MYEF2: variants seen among roughly 807,000 people sequenced by gnomAD.
MYEF2 encodes myelin gene expression factor 2.
MYEF2 carries 37 observed loss-of-function variants against 75.2 expected under a neutral mutation model. The ratio of observed to expected loss-of-function variants is 0.49; its 90% CI spans 0.38 to 0.65. The LOEUF is 0.65. MYEF2 is among the 30% of genes least tolerant of loss of function. The pLI is 0.00. For synonymous variants in MYEF2, 195 were observed against 241.6 expected, an observed-to-expected ratio of 0.81 and a Z score of 1.79; for missense variants, 634 against 771.4, an observed-to-expected ratio of 0.82 and a Z score of 2.11.
At chr15:48,151,079 T>C (rs1349025593) in intron 14 of MYEF2, 21 bp downstream of exon 14, 1 of 1,551,228 alleles carries the variant, frequency 6.4e-7, no homozygotes, top group Non-Finnish European at 8.8e-7. Context: ...CTGAATAAAT[T>C]CTAGTAAAAT....
At position 48,136,789 on chromosome 15, in the gene MYEF2, G is replaced by A. The variant is rs774586843; in HGVS notation, c.*6119C>T. 2.0e-5 allele frequency: 32 copies of A among 1,613,628 alleles called. No individual in the cohort carries two copies. The highest frequency in any genetic ancestry group is 3.3e-5 in the Admixed American group (2 of 59,926). On this transcript the variant is annotated 3_prime_UTR_variant, in exon 17 of 17. Coordinates refer to ENST00000324324, the MANE Select transcript of MYEF2 (RefSeq NM_016132.5). Reference sequence around the variant, plus strand: ...TATAAAGAAATGCAGTCCTTGCTGCGCCTGTCTTGCCAAAGCTATGGAGAG... The same window carrying A: ...TATAAAGAAATGCAGTCCTTGCTGCACCTGTCTTGCCAAAGCTATGGAGAG...
At chr15:48,151,676 TAA>T in intron 12 of MYEF2, 105 bp from the exon 13 acceptor site, 1 of 1,250,272 alleles carries the variant, frequency 8.0e-7, no homozygotes, top group Non-Finnish European at 1.1e-6. Flanking sequence ...GTCACAAATA[TAA>T]AATAGTCTGT....
chr15:48,157,281 G>C (rs1343499161), intron 9 of MYEF2: 1 of 152,020 alleles, frequency 6.6e-6, no homozygotes, highest in African/African-American at 2.4e-5. Flanking sequence ...CTGAGACACA[G>C]AGGCACTGAG....
intron 9 of MYEF2, 131 bp downstream of exon 9, chr15:48,157,856 AAACTAT>A (rs2039762522): frequency 6.9e-7 from 1 of 1,441,042 alleles, no homozygotes; most frequent in Non-Finnish European, 9.1e-7. Flanking sequence ...CAATAGCGCC[AAACTAT>A]CTTCATAACT....
intron 2 of MYEF2, 117 bp from the exon 3 acceptor site, chr15:48,167,518 A>C: frequency 1.2e-6 from 1 of 849,528 alleles, no homozygotes; most frequent in Non-Finnish European, 1.9e-6. Context: ...TTCACCAACA[A>C]TCAAAACCAG....
At position 48,141,239 on chromosome 15, in the gene MYEF2, C is replaced by A; in HGVS notation, c.*1669G>T. On this transcript the variant is annotated 3_prime_UTR_variant, in exon 17 of 17. Transcript: ENST00000324324. ...GGTAAGAACTAGGTCCCTCAAGCTG[C>A]AATGGTCATTCTACAAGGCTAGAAT... 6.6e-7 allele frequency: 1 copy of A among 1,523,790 alleles called. No individual in the cohort carries two copies. Among genetic ancestry groups the A allele is most frequent in the Non-Finnish European group, 9.1e-7 (1 of 1,098,344 alleles). 94.4% of individuals were successfully genotyped at this position (1,523,790 alleles called of 1,614,324 possible).
intron 10 of MYEF2, 85 bp from the exon 11 acceptor site, chr15:48,152,369 T>C: frequency 1.8e-6 from 2 of 1,122,192 alleles, no homozygotes; most frequent in Non-Finnish European, 2.7e-6. Context: ...GCAAAATAGA[T>C]ACCACTGGTA....
At chr15:48,145,778 A>G (rs559381046) in intron 16 of MYEF2, among the ~76,000 whole-genome samples, 1 of 152,054 alleles carries the variant, frequency 6.6e-6, no homozygotes, top group African/African-American at 2.4e-5. Context: ...AGAAAACATA[A>G]TAAGGATATA....
At chr15:48,146,888 G>T (rs1038386717) in intron 16 of MYEF2, among the ~76,000 whole-genome samples, 1 of 151,894 alleles carries the variant, frequency 6.6e-6, no homozygotes, top group Non-Finnish European at 1.5e-5. Flanking sequence ...GTCAATAGCT[G>T]GACACTTAAT....
chr15:48,137,054 T>C lies in MYEF2; in HGVS notation c.*5854A>G. 1 of 1,386,506 alleles carries C rather than the reference T, an allele frequency of 7.2e-7. No individual in the cohort carries two copies. Among genetic ancestry groups the C allele is most frequent in the Middle Eastern group, 2.1e-4 (1 of 4,678 alleles). 85.9% of individuals were successfully genotyped at this position (1,386,506 alleles called of 1,614,324 possible). A position where few individuals can be genotyped will look rare whatever the true frequency, so the allele number is the denominator to read the frequency against. On this transcript the variant is annotated 3_prime_UTR_variant, in exon 17 of 17. Transcript: ENST00000324324. ...AATTCAGCAAGTATTGTGTGCTTTTTATGTAAAAAAGACTGTGAAGACTCA... is the reference window on the plus strand; with the variant it reads ...AATTCAGCAAGTATTGTGTGCTTTTCATGTAAAAAAGACTGTGAAGACTCA...
Position 48,139,233 on chromosome 15 carries a change from A to G in MYEF2, c.*3675T>C, listed in dbSNP as rs1430594468. 8.4e-6 allele frequency: 12 copies of G among 1,428,876 alleles called. No individual in the cohort carries two copies. The highest frequency in any genetic ancestry group is 7.0e-5 in the Admixed American group (4 of 56,988). The allele number at this position is 1,428,876 out of a possible 1,614,324, so 88.5% of individuals were successfully genotyped here. On this transcript the variant is annotated 3_prime_UTR_variant, in exon 17 of 17. Transcript: ENST00000324324. Reference sequence around the variant, plus strand: ...AAATATTCATATAAGAACAAATTGCATATGTTCACTCAAAGTAGTCTAGCT... The same window carrying G: ...AAATATTCATATAAGAACAAATTGCGTATGTTCACTCAAAGTAGTCTAGCT...
At position 48,140,044 on chromosome 15, in the gene MYEF2, G is replaced by A. The variant is rs1002910080; in HGVS notation, c.*2864C>T. The A allele has an allele frequency of 4.6e-5, 7 of 151,864 alleles. No individual in the cohort carries two copies. The highest frequency in any genetic ancestry group is 6.6e-5 in the Admixed American group (1 of 15,236). 9.4% of individuals were successfully genotyped at this position (151,864 alleles called of 1,614,324 possible). A position where few individuals can be genotyped will look rare whatever the true frequency, so the allele number is the denominator to read the frequency against. On this transcript the variant is annotated 3_prime_UTR_variant, in exon 17 of 17. Transcript: ENST00000324324. ...GACCCTTGACTTTTCCCAAATTAAT[G>A]TAAGTCTCAGAATAGTATGCTAGCA...
intron 5 of MYEF2, among the ~76,000 whole-genome samples, chr15:48,162,200 C>T (rs2039966669): frequency 6.6e-6 from 1 of 152,050 alleles, no homozygotes; most frequent in Admixed American, 6.5e-5. Flanking sequence ...TATTATCTCA[C>T]ACTCAGGAAC....
At chr15:48,148,819 C>T (rs2039384888) in intron 16 of MYEF2, among the ~76,000 whole-genome samples, 1 of 151,842 alleles carries the variant, frequency 6.6e-6, no homozygotes, top group Non-Finnish European at 1.5e-5. Flanking sequence ...TTACCTAAAC[C>T]TTGTTATTAC....
At chr15:48,159,927 G>C in intron 5 of MYEF2, 123 bp from the exon 6 acceptor site, 7 of 996,964 alleles carry the variant, frequency 7.0e-6, no homozygotes, top group Non-Finnish European at 9.9e-6. Flanking sequence ...CTCTTGAAGA[G>C]TGAGCTTTTT....
chr15:48,169,495 G>A (rs969876933), intron 1 of MYEF2, among the ~76,000 whole-genome samples: 1 of 151,928 alleles, frequency 6.6e-6, no homozygotes, highest in Admixed American at 6.6e-5. Flanking sequence ...ACTAGAATAG[G>A]GTACTTCATC....
In MYEF2 at chr15:48,178,173, G is replaced by C. The variant is rs2040630233; in HGVS notation, c.65C>G (p.Pro22Arg). ...ATGGDSPHLQ[P>R]AEPPGEPRRE... is the part of the protein sequence containing the mutation. ...CCGCGGCTCGCCCGGCGGCTCTGCG[G>C]GCTGCAGGTGCGGGCTGTCGCCACC... The change falls in exon 1 of 17, where the codon CCC (proline) becomes CGC (arginine). Residue 22 changes from proline to arginine, a missense_variant. Transcript: ENST00000324324. 6.5e-7 allele frequency: 1 copy of C among 1,546,034 alleles called. No homozygotes were observed. The highest frequency in any genetic ancestry group is 2.5e-5 in the East Asian group (1 of 39,910).
chr15:48,153,000 C>T (rs1461111275), intron 10 of MYEF2: 3 of 139,546 alleles, frequency 2.1e-5, no homozygotes, highest in Non-Finnish European at 4.4e-5. Context: ...GTTTTACCCT[C>T]ATTCTCTTGA....
chr15:48,150,496 T>C (rs1192370963), intron 14 of MYEF2, among the ~76,000 whole-genome samples: 1 of 151,786 alleles, frequency 6.6e-6, no homozygotes, highest in African/African-American at 2.4e-5. Flanking sequence ...GTTAAAAAAA[T>C]AAATAAATAA....
Sources: gnomAD v4.1 joint callset for allele counts (sites outside exome capture counted in the v4.1 genomes callset) on GRCh38, gnomAD v4.1.1 for gene constraint, MANE v1.5 for transcripts, NCBI Gene and HGNC (gene_info 2026-07-23, HGNC 2026-07-21) for gene names.